Variants in FMN2 observed in about 807,000 individuals in gnomAD.
The protein encoded by FMN2 is formin-2.
In FMN2, 51 loss-of-function variants were observed where a neutral mutation model predicts 142.3. The observed-to-expected ratio is 0.36, with a 90% confidence interval of 0.29 to 0.45. FMN2 has a LOEUF of 0.45. FMN2 is among the 20% of genes least tolerant of loss of function. FMN2 has a pLI of 1.00. For synonymous variants in FMN2, 882 were observed against 869.8 expected (o/e 1.01, Z -0.25); for missense variants, 1,936 against 2,122.8 (o/e 0.91, Z 1.73).
intron 13 of FMN2, among the ~76,000 whole-genome samples, chr1:240,343,748 C>G (rs902047028): frequency 2.0e-5 from 3 of 152,138 alleles, no homozygotes; most frequent in African/African-American, 4.8e-5. Flanking sequence ...TTGCAGCAAT[C>G]TGACATGATT....
chr1:240,129,201 G>T (rs1235620831), intron 2 of FMN2, among the ~76,000 whole-genome samples: 3 of 151,910 alleles, frequency 2.0e-5, no homozygotes, highest in Non-Finnish European at 4.4e-5. Context: ...TCCAGAGCAG[G>T]AAAAACATTT....
Position 240,092,437 on chromosome 1 carries a change from A to G in FMN2, c.328A>G (p.Ser110Gly), listed in dbSNP as rs772462003. 4.3e-6 allele frequency: 7 copies of G among 1,611,206 alleles called. No homozygotes were observed. Among genetic ancestry groups the G allele is most frequent in the Non-Finnish European group, 5.9e-6 (7 of 1,178,970 alleles). The part of the protein sequence containing the change: ...SQALQTGELD[S>G]AHSLLTKTPD... ...GGCCCTGCAGACCGGGGAGCTGGAC[A>G]GCGCTCACTCCCTGCTCACCAAGAC... Residue 110 changes from serine to glycine, a missense_variant, in exon 1 of 18, where the codon AGC becomes GGC. Around this residue, in one of 8 missense-constraint regions of FMN2, gnomAD observed 751 missense variants for 791.8 expected, o/e 0.95. Transcript: ENST00000319653.
chr1:240,351,662 A>G (rs1165644385), intron 13 of FMN2, among the ~76,000 whole-genome samples: 2 of 152,222 alleles, frequency 1.3e-5, no homozygotes, highest in African/African-American at 4.8e-5. Flanking sequence ...TGAATGTTCT[A>G]TTGTTTCAAC....
chr1:240,380,386 T>C lies in FMN2; in HGVS notation c.4859-12125T>C, dbSNP rs541883066. 3.9e-5 allele frequency among the ~76,000 whole-genome samples: 6 copies of C among 152,124 alleles called. No individual in the cohort carries two copies. The South Asian group carries it at 1.2e-3, about 32-fold the overall frequency. On this transcript the variant is annotated intron_variant, in intron 14 of 17. Transcript: ENST00000319653. ...TCAACAACTTGCTCCTACAAAACCT[T>C]TGGGTAAACAACAAAATTAAGGTAG...
intron 8 of FMN2, among the ~76,000 whole-genome samples, chr1:240,309,144 G>T (rs1241266146): frequency 3.9e-5 from 6 of 152,172 alleles, no homozygotes; most frequent in Non-Finnish European, 8.8e-5. Context: ...AAGAGTACAA[G>T]AATATAGTGA....
rs182557575 is a variant in FMN2, at chr1:240,145,067, T to C, written c.1782+21722T>C. 9 of 1,419,310 alleles carry C rather than the reference T, an allele frequency of 6.3e-6. No individual in the cohort carries two copies. The East Asian group carries it at 1.6e-4, about 25-fold the overall frequency. The allele number at this position is 1,419,310 out of a possible 1,614,324, so 87.9% of individuals were successfully genotyped here. A position where few individuals can be genotyped will look rare whatever the true frequency, so the allele number is the denominator to read the frequency against. Reference sequence around the variant, plus strand: ...CTCATACATTTCCTTCAGTTTGCCATAGTGTGGACGCAGACATTTGAGAGA... The same window carrying C: ...CTCATACATTTCCTTCAGTTTGCCACAGTGTGGACGCAGACATTTGAGAGA... On this transcript the variant is annotated intron_variant, in intron 2 of 17. Coordinates refer to ENST00000319653, the MANE Select transcript of FMN2 (RefSeq NM_020066.5).
At chr1:240,371,013 A>G (rs1235429983) in intron 14 of FMN2, among the ~76,000 whole-genome samples, 1 of 152,142 alleles carries the variant, frequency 6.6e-6, no homozygotes, top group African/African-American at 2.4e-5. Context: ...ATCTCAACTC[A>G]CTGCAACCTC....
rs576486619 is a variant in FMN2 at position 240,160,487 on chromosome 1, T to C, written c.1783-17434T>C. On this transcript the variant is annotated intron_variant, in intron 2 of 17. Transcript: ENST00000319653. Reference sequence around the variant, plus strand: ...ATATATACATTATATATAATGTATATAATATATGTATATAATGTGTATATA... The same window carrying C: ...ATATATACATTATATATAATGTATACAATATATGTATATAATGTGTATATA... Among the ~76,000 whole-genome samples the C allele has an allele frequency of 1.7e-4, 25 of 149,230 alleles. No homozygotes were observed. The East Asian group carries it at 4.5e-3, about 27-fold the overall frequency.
intron 11 of FMN2, among the ~76,000 whole-genome samples, chr1:240,331,960 G>A (rs1440094072): frequency 6.6e-6 from 1 of 152,164 alleles, no homozygotes; most frequent in Non-Finnish European, 1.5e-5. Context: ...TACTGAATGC[G>A]TATCACTTTT....
At chr1:240,143,276 G>T in intron 2 of FMN2, 3 of 1,552,214 alleles carry the variant, frequency 1.9e-6, no homozygotes, top group Non-Finnish European at 2.7e-6. Flanking sequence ...GGGTATCCAG[G>T]ATGTTGATTT....
At chr1:240,323,577 T>G (rs1270397650) in intron 8 of FMN2, among the ~76,000 whole-genome samples, 5 of 152,156 alleles carry the variant, frequency 3.3e-5, no homozygotes, top group Admixed American at 2.0e-4. Context: ...ACTTCCAAAT[T>G]TAGTAACAAA....
At chr1:240,227,437 T>A (rs1352197462) in intron 6 of FMN2, among the ~76,000 whole-genome samples, 1 of 150,840 alleles carries the variant, frequency 6.6e-6, no homozygotes, top group East Asian at 1.9e-4. Context: ...CATTTTTTTT[T>A]AGCAAAATAG....
chr1:240,173,567 C>T (rs1208838910), intron 2 of FMN2, among the ~76,000 whole-genome samples: 1 of 152,008 alleles, frequency 6.6e-6, no homozygotes, highest in South Asian at 2.1e-4. Flanking sequence ...ATTCTAGTGG[C>T]ATGAAGCTTG....
chr1:240,413,136 A>ATC (rs1466202363), intron 15 of FMN2, among the ~76,000 whole-genome samples: 13 of 148,722 alleles, frequency 8.7e-5, no homozygotes, highest in African/African-American at 3.2e-4. Flanking sequence ...AAAAAAAAAA[A>ATC]AAAAAAAAAA....
chr1:240,308,055 G>A (rs917260154), intron 8 of FMN2, among the ~76,000 whole-genome samples: 5 of 152,186 alleles, frequency 3.3e-5, no homozygotes, highest in African/African-American at 1.2e-4. Flanking sequence ...AAGTCAATGT[G>A]AGGGAAAGGA....
At chr1:240,175,314 T>G (rs1001757146) in intron 2 of FMN2, among the ~76,000 whole-genome samples, 13 of 152,190 alleles carry the variant, frequency 8.5e-5, no homozygotes, top group African/African-American at 2.7e-4. Context: ...TTCTTTGAGA[T>G]CCTGTTTTTA....
At chr1:240,209,760 C>T (rs192247641) in intron 5 of FMN2, among the ~76,000 whole-genome samples, 82 of 151,438 alleles carry the variant, frequency 5.4e-4, no homozygotes, top group African/African-American at 1.9e-3. Context: ...AAAAATTAGC[C>T]GGGCGAGGTG....
chr1:240,453,683 T>C (rs905170185), intron 16 of FMN2, among the ~76,000 whole-genome samples: 1 of 152,092 alleles, frequency 6.6e-6, no homozygotes, highest in Non-Finnish European at 1.5e-5. Context: ...GGAAGAATAA[T>C]GGTGCTTAAA....
chr1:240,212,552 A>T (rs1376814487), intron 6 of FMN2, among the ~76,000 whole-genome samples: 1 of 152,206 alleles, frequency 6.6e-6, no homozygotes, highest in Non-Finnish European at 1.5e-5. Context: ...AGACTTTATA[A>T]ATATCAGTGG....
Sources: gnomAD v4.1 joint callset for allele counts (sites outside exome capture counted in the v4.1 genomes callset) on GRCh38, gnomAD v4.1.1 for gene constraint, gnomAD v4.1.1 regional missense constraint, MANE v1.5 for transcripts, NCBI Gene and HGNC (gene_info 2026-07-23, HGNC 2026-07-21) for gene names.